Variants in FOXJ2 observed in about 807,000 individuals in gnomAD.
FOXJ2 encodes forkhead box protein J2.
FOXJ2 carries 18 observed loss-of-function variants against 68.4 expected under a neutral mutation model. The observed-to-expected ratio is 0.26, with a 90% CI of 0.18 to 0.39. The LOEUF is 0.39. Among genes scored for constraint, FOXJ2 ranks in the 10% least tolerant of loss-of-function variants. The pLI is 1.00. For synonymous variants in FOXJ2, 274 were observed against 263.2 expected, an observed-to-expected ratio of 1.04 and a Z score of -0.40; for missense variants, 670 against 726.5, an observed-to-expected ratio of 0.92 and a Z score of 0.89.
intron 6 of FOXJ2, 22 bp from the exon 7 acceptor site, chr12:8,047,860 C>T (rs1947058761): frequency 3.9e-6 from 6 of 1,551,248 alleles, no homozygotes; most frequent in Non-Finnish European, 5.2e-6. Context: ...AAGTCACTTG[C>T]CTGCTTCCTC....
At chr12:8,048,358 G>A (rs1947069328) in intron 7 of FOXJ2, 69 bp downstream of exon 7, 1 of 1,501,360 alleles carries the variant, frequency 6.7e-7, no homozygotes. Flanking sequence ...CACCGGCATG[G>A]AGGTGCAGTT....
intron 10 of FOXJ2, among the ~76,000 whole-genome samples, chr12:8,052,015 C>T (rs1947132655): frequency 6.6e-6 from 1 of 151,950 alleles, no homozygotes; most frequent in South Asian, 2.1e-4. Context: ...ATCACAGGCG[C>T]CCGCCACTGT....
At chr12:8,050,213 G>A (rs1016275494) in intron 9 of FOXJ2, 25 of 519,554 alleles carry the variant, frequency 4.8e-5, no homozygotes, top group South Asian at 6.5e-5. Flanking sequence ...TGGACTCAAG[G>A]GATCTACCCA....
At chr12:8,033,990 A>C (rs1946867051) in intron 1 of FOXJ2, among the ~76,000 whole-genome samples, 157 bp downstream of exon 1, 1 of 152,134 alleles carries the variant, frequency 6.6e-6, no homozygotes, top group Non-Finnish European at 1.5e-5. Flanking sequence ...CTGGATTTGA[A>C]CCCACATCTT....
intron 6 of FOXJ2, among the ~76,000 whole-genome samples, chr12:8,047,560 C>T (rs1947055155): frequency 6.6e-6 from 1 of 151,612 alleles, no homozygotes; most frequent in East Asian, 1.9e-4. Context: ...GGGATGGTTT[C>T]CTTTTTAAAG....
At chr12:8,045,793 G>T (rs1947028495) in intron 6 of FOXJ2, among the ~76,000 whole-genome samples, 1 of 151,836 alleles carries the variant, frequency 6.6e-6, no homozygotes, top group South Asian at 2.1e-4. Flanking sequence ...AATTAGCTGG[G>T]ATTACAGGCT....
chr12:8,039,055 A>C (rs979212560), intron 1 of FOXJ2, among the ~76,000 whole-genome samples: 5 of 152,038 alleles, frequency 3.3e-5, no homozygotes, highest in African/African-American at 1.2e-4. Flanking sequence ...GGGAGCGTGC[A>C]AGGGGTAGCT....
At chr12:8,051,117 C>CTTCTCT (rs796829976) in intron 10 of FOXJ2, among the ~76,000 whole-genome samples, 3 of 64,476 alleles carry the variant, frequency 4.7e-5, no homozygotes, top group African/African-American at 1.8e-4. Flanking sequence ...CTTCCCTTCC[C>CTTCTCT]TTCCCTTTCC....
At chr12:8,039,795 G>A (rs747023744) in intron 1 of FOXJ2, 24 bp from the exon 2 acceptor site, 194 of 1,567,714 alleles carry the variant, frequency 1.2e-4, no homozygotes, top group Non-Finnish European at 7.4e-5. Flanking sequence ...CAGTATTTTC[G>A]TCTCCTCTTT....
intron 3 of FOXJ2, among the ~76,000 whole-genome samples, chr12:8,043,235 A>AC (rs1946989185): frequency 6.6e-6 from 1 of 151,512 alleles, no homozygotes; most frequent in African/African-American, 2.4e-5. Context: ...AAAAAAAAAA[A>AC]AAAGACTGTG....
rs1274791564 is a variant in FOXJ2, at chr12:8,033,743, C to T, written c.-105C>T. The T allele has an allele frequency of 6.5e-6, 1 of 152,752 alleles. No homozygotes were observed. The highest frequency in any genetic ancestry group is 1.5e-5 in the Non-Finnish European group (1 of 68,156). The allele number at this position is 152,752 out of a possible 1,614,324, so 9.5% of individuals were successfully genotyped here. On this transcript the variant is annotated 5_prime_UTR_variant, in exon 1 of 11. Transcript: ENST00000162391. ...AGGAAGAGCCACTGAGGATGAGAGC[C>T]GTCACCTGCCTCTGAAGAGGGGAAT...
intron 6 of FOXJ2, among the ~76,000 whole-genome samples, chr12:8,045,612 A>G (rs1947026642): frequency 6.6e-6 from 1 of 152,080 alleles, no homozygotes; most frequent in African/African-American, 2.4e-5. Flanking sequence ...TTGGCCTTCC[A>G]AAGTGCTGGG....
rs779819757 is a variant in FOXJ2 at position 8,035,659 on chromosome 12, A to G, written c.-15+1826A>G. On this transcript the variant is annotated intron_variant, in intron 1 of 10. Coordinates refer to ENST00000162391, the MANE Select transcript of FOXJ2 (RefSeq NM_018416.3). This position sits in a 1 kb window ranked among gnomAD's most constrained non-coding sequence, Gnocchi z 4.0. ...ATATCACAACATCTCCAAGTACACC[A>G]CCGCCACGCAGTTTAACTGGCCCTG... Among the ~76,000 whole-genome samples, 18 of 152,136 alleles carry G rather than the reference A, an allele frequency of 1.2e-4. No individual in the cohort carries two copies. The highest frequency in any genetic ancestry group is 2.4e-4 in the Non-Finnish European group (16 of 68,030).
Position 8,033,271 on chromosome 12 carries a change from G to A in FOXJ2, c.-577G>A, listed in dbSNP as rs1364377616. 5.9e-6 allele frequency: 1 copy of A among 170,434 alleles called. No homozygotes were observed. The highest frequency in any genetic ancestry group is 1.2e-5 in the Non-Finnish European group (1 of 80,598). 10.6% of individuals were successfully genotyped at this position (170,434 alleles called of 1,614,324 possible). ...CAGGACTTTGGAGGCAAAGAGAGAC[G>A]GGGCTGTGCCTGTGGAGTAGGCACC... On this transcript the variant is annotated 5_prime_UTR_variant, in exon 1 of 11. Coordinates refer to ENST00000162391, the MANE Select transcript of FOXJ2 (RefSeq NM_018416.3).
Position 8,049,517 on chromosome 12 carries a change from A to G in FOXJ2, c.1483A>G (p.Ile495Val), listed in dbSNP as rs1307974717. ...GTHRPPAPARIADSCALTSGK... is the reference protein window; with the variant it reads ...GTHRPPAPARVADSCALTSGK... The stretch of plus-strand genomic sequence containing the variant: ...CCACCGCCCACCAGCCCCTGCCCGT[A>G]TTGCTGACTCCTGTGCCCTCACCAG... Residue 495 changes from isoleucine (I) to valine (V), a missense_variant, in exon 9 of 11, where the codon ATT (isoleucine) becomes GTT (valine). Coordinates refer to ENST00000162391, the MANE Select transcript of FOXJ2 (RefSeq NM_018416.3). 6.2e-7 allele frequency: 1 copy of G among 1,613,872 alleles called. No homozygotes were observed. Among genetic ancestry groups the G allele is most frequent in the Admixed American group, 1.7e-5 (1 of 59,974 alleles).
intron 1 of FOXJ2, among the ~76,000 whole-genome samples, chr12:8,036,959 T>C (rs1946904653): frequency 6.6e-6 from 1 of 152,000 alleles, no homozygotes; most frequent in Admixed American, 6.6e-5. Flanking sequence ...TGTGGTGGCG[T>C]GTGCCTATAA....
chr12:8,052,112 C>T (rs1947133481), intron 10 of FOXJ2, among the ~76,000 whole-genome samples: 1 of 152,138 alleles, frequency 6.6e-6, no homozygotes, highest in African/African-American at 2.4e-5. Flanking sequence ...AAGTGATCCA[C>T]CCATCTCGGC....
At chr12:8,051,109 T>TC (rs1947119455) in intron 10 of FOXJ2, among the ~76,000 whole-genome samples, 1 of 64,698 alleles carries the variant, frequency 1.5e-5, no homozygotes, top group African/African-American at 6.1e-5. Flanking sequence ...CCCTTCCCCT[T>TC]CCCTTCCCTT....
chr12:8,038,888 C>T lies in FOXJ2; in HGVS notation c.-14-931C>T, dbSNP rs1290973472. 1.3e-5 allele frequency among the ~76,000 whole-genome samples: 2 copies of T among 152,130 alleles called. No homozygotes were observed. The highest frequency in any genetic ancestry group is 2.9e-5 in the Non-Finnish European group (2 of 68,020). On this transcript the variant is annotated intron_variant, in intron 1 of 10. Coordinates refer to ENST00000162391, the MANE Select transcript of FOXJ2 (RefSeq NM_018416.3). The surrounding 1 kb of genome is among the most constrained non-coding windows in gnomAD (Gnocchi z 5.3). ...GGAGGAGGAGGGCGGAGAAGGGGAG[C>T]CAGCTCCGAGCTCCAGAGTGGCTAT...
Sources: allele counts gnomAD v4.1 joint callset (sites outside exome capture counted in the v4.1 genomes callset), GRCh38; gene constraint gnomAD v4.1.1; non-coding constraint Gnocchi (gnomAD v3.1); transcripts MANE v1.5; gene names NCBI Gene and HGNC (gene_info 2026-07-23, HGNC 2026-07-21).